Variants in ABL2 observed in about 807,000 individuals in gnomAD.
ABL2 encodes the protein ABL proto-oncogene 2, non-receptor tyrosine kinase, also known as tyrosine-protein kinase ABL2.
In ABL2, 49 loss-of-function variants were observed where a neutral mutation model predicts 107.7. The observed-to-expected ratio is 0.45, with a 90% CI of 0.36 to 0.58. The LOEUF (loss-of-function observed/expected upper bound fraction) is 0.58. ABL2 is among the 20% of genes least tolerant of loss of function. The pLI is 0.00. For missense variants in ABL2, 1,245 were observed against 1,457.0 expected (o/e 0.85, Z 2.37); for synonymous variants, 549 against 548.6 (o/e 1.00, Z -0.01).
At position 179,108,824 on chromosome 1, in the gene ABL2, T is replaced by C; in HGVS notation, c.2443A>G (p.Thr815Ala). 6.2e-7 allele frequency: 1 copy of C among 1,614,200 alleles called. No homozygotes were observed. Among genetic ancestry groups the C allele is most frequent in the Non-Finnish European group, 8.5e-7 (1 of 1,180,030 alleles). ...TCTGGCTGAGAAGAGGTGGACACTGTCCTTTCCAGCTGGAGTTTGGACCTC... is the reference window on the plus strand; with the variant it reads ...TCTGGCTGAGAAGAGGTGGACACTGCCCTTTCCAGCTGGAGTTTGGACCTC... ...CQRSKLQLER[T>A]VSTSSQPEEN... Residue 815 changes from threonine to alanine, a missense_variant, in exon 12 of 12, where the codon ACA becomes GCA. By Grantham distance (58) the Thr-to-Ala change is moderately conservative (BLOSUM62 0). Coordinates refer to ENST00000502732, the MANE Select transcript of ABL2 (RefSeq NM_007314.4).
chr1:179,191,050 A>C (rs934248386), intron 1 of ABL2, among the ~76,000 whole-genome samples: 1 of 152,164 alleles, frequency 6.6e-6, no homozygotes, highest in African/African-American at 2.4e-5. Flanking sequence ...CCCTATTTAG[A>C]TAGGAAGCCA....
chr1:179,205,712 G>A (rs1661934496), intron 1 of ABL2, among the ~76,000 whole-genome samples: 1 of 152,160 alleles, frequency 6.6e-6, no homozygotes. Flanking sequence ...CTGAGATTAG[G>A]GAGGGCGGGT....
At position 179,117,580 on chromosome 1, in the gene ABL2, C is replaced by G. The variant is rs1194095942; in HGVS notation, c.1224-64G>C. On this transcript the variant is annotated intron_variant, in intron 7 of 11. Transcript: ENST00000502732. The stretch of plus-strand genomic sequence containing the variant: ...GGTGAGGAAAATGGTCATGAACACT[C>G]TATTCTTGGTTTTGTGTTATAGGCA... 5 of 1,555,056 alleles carry G rather than the reference C, an allele frequency of 3.2e-6. No homozygotes were observed. The East Asian group carries it at 1.1e-4, about 35-fold the overall frequency.
chr1:179,218,724 C>T (rs1662717411), intron 1 of ABL2, among the ~76,000 whole-genome samples: 1 of 152,162 alleles, frequency 6.6e-6, no homozygotes, highest in South Asian at 2.1e-4. Context: ...CTCACATGAG[C>T]AGGAGATTCT....
At chr1:179,156,794 C>T (rs533734058) in intron 1 of ABL2, among the ~76,000 whole-genome samples, 40 of 152,008 alleles carry the variant, frequency 2.6e-4, no homozygotes, top group African/African-American at 8.7e-4. Context: ...AGGAGAATTG[C>T]GTGAACCAGG....
At position 179,107,616 on chromosome 1, in the gene ABL2, A is replaced by AT; in HGVS notation, c.*101_*102insA. The AT allele has an allele frequency of 6.6e-7, 1 of 1,510,768 alleles. No individual in the cohort carries two copies. The highest frequency in any genetic ancestry group is 1.4e-5 in the South Asian group (1 of 73,506). 93.6% of individuals were successfully genotyped at this position (1,510,768 alleles called of 1,614,324 possible). A position where few individuals can be genotyped will look rare whatever the true frequency, so the allele number is the denominator to read the frequency against. On this transcript the variant is annotated 3_prime_UTR_variant, in exon 12 of 12. Transcript: ENST00000502732. ...TGAGGTACTTCACATAAACACACTC[A>AT]AGTATGAGTCTTTCATTTTCTGAAA...
chr1:179,135,690 A>C (rs1656848626), intron 1 of ABL2, among the ~76,000 whole-genome samples: 2 of 136,354 alleles, frequency 1.5e-5, no homozygotes, highest in Admixed American at 1.5e-4. Context: ...CCCATCCGGG[A>C]GGTGAGGGGT....
chr1:179,229,431 C>T lies in ABL2; in HGVS notation c.-34G>A, dbSNP rs1034574859. On this transcript the variant is annotated 5_prime_UTR_variant, in exon 1 of 12. Coordinates refer to ENST00000502732, the MANE Select transcript of ABL2 (RefSeq NM_007314.4). ...TCGCGTACTCCCGCGCCCCCGCCGA[C>T]CCCTGGTCACATTCCTCCTCGGCTC... 24 of 1,478,008 alleles carry T rather than the reference C, an allele frequency of 1.6e-5. No individual in the cohort carries two copies. Among genetic ancestry groups the T allele is most frequent in the Non-Finnish European group, 2.1e-5 (24 of 1,125,792 alleles). The allele number at this position is 1,478,008 out of a possible 1,614,324, so 91.6% of individuals were successfully genotyped here.
At chr1:179,191,975 T>C (rs1228341325) in intron 1 of ABL2, among the ~76,000 whole-genome samples, 2 of 152,230 alleles carry the variant, frequency 1.3e-5, no homozygotes, top group East Asian at 3.8e-4. Flanking sequence ...TTTGCTTTTA[T>C]ATTCTCTTTA....
chr1:179,111,444 C>A (rs1447774473), intron 10 of ABL2, among the ~76,000 whole-genome samples: 3 of 151,820 alleles, frequency 2.0e-5, no homozygotes, highest in Admixed American at 6.6e-5. Context: ...TGCCATCACG[C>A]CTGGCTAGTT....
In ABL2 at chr1:179,103,593, T is replaced by C. The variant is rs3829794; in HGVS notation, c.*4125A>G. The C allele has an allele frequency of 0.51, 112,282 of 220,114 alleles. 28,925 individuals carry two copies. Among genetic ancestry groups the C allele is most frequent in the South Asian group, 0.58 (3,132 of 5,440 alleles). The allele number at this position is 220,114 out of a possible 1,614,324, so 13.6% of individuals were successfully genotyped here. A position where few individuals can be genotyped will look rare whatever the true frequency, so the allele number is the denominator to read the frequency against. The stretch of plus-strand genomic sequence containing the variant: ...AGGTCTGTCCAAAAGAATGACCCCA[T>C]TGAATTTTTTAAATGACTGAATTCT... On this transcript the variant is annotated 3_prime_UTR_variant, in exon 12 of 12. Coordinates refer to ENST00000502732, the MANE Select transcript of ABL2 (RefSeq NM_007314.4).
chr1:179,199,177 G>A (rs750781579), intron 1 of ABL2, among the ~76,000 whole-genome samples: 2 of 152,142 alleles, frequency 1.3e-5, no homozygotes, highest in African/African-American at 2.4e-5. Context: ...CATTTGTGAT[G>A]AGGGAATGAG....
At chr1:179,155,918 C>CA (rs1195174012) in intron 1 of ABL2, among the ~76,000 whole-genome samples, 1 of 152,032 alleles carries the variant, frequency 6.6e-6, no homozygotes, top group African/African-American at 2.4e-5. Flanking sequence ...ATGAGCTGAA[C>CA]AAAAATCTTC....
chr1:179,204,874 T>C (rs1661867156), intron 1 of ABL2, among the ~76,000 whole-genome samples: 1 of 152,166 alleles, frequency 6.6e-6, no homozygotes, highest in Non-Finnish European at 1.5e-5. Context: ...TAATAGACTC[T>C]GTACATCGGT....
chr1:179,227,837 G>C (rs1023282002), intron 1 of ABL2, among the ~76,000 whole-genome samples: 4 of 151,966 alleles, frequency 2.6e-5, no homozygotes, highest in African/African-American at 9.7e-5. Context: ...TGGATCATGA[G>C]GTCAGGCGTT....
chr1:179,109,247 C>G lies in ABL2; in HGVS notation c.2020G>C (p.Glu674Gln). 1 of 1,614,142 alleles carries G rather than the reference C, an allele frequency of 6.2e-7. No homozygotes were observed. The highest frequency in any genetic ancestry group is 8.5e-7 in the Non-Finnish European group (1 of 1,180,032). The change falls in exon 12 of 12, where the codon GAA becomes CAA. Residue 674 changes from glutamate to glutamine, a missense_variant. Coordinates refer to ENST00000502732, the MANE Select transcript of ABL2 (RefSeq NM_007314.4). ...TTCTTATGGGGCTGATTCTCCATTT[C>G]TCGGAAGGAGCTGCTGCGTTTGGGG... The part of the protein sequence containing the change: ...TPPKRSSSFR[E>Q]MENQPHKKYE...
chr1:179,127,768 A>G (rs1655872152), intron 3 of ABL2, among the ~76,000 whole-genome samples: 1 of 152,200 alleles, frequency 6.6e-6, no homozygotes, highest in Non-Finnish European at 1.5e-5. Context: ...GTGGTGTCTC[A>G]TGCCTGTAAT....
chr1:179,177,711 C>G (rs1660129097), intron 1 of ABL2, among the ~76,000 whole-genome samples: 1 of 152,156 alleles, frequency 6.6e-6, no homozygotes, highest in Non-Finnish European at 1.5e-5. Flanking sequence ...AAAAAGTGGA[C>G]AGTCCTTTTC....
chr1:179,184,773 C>T (rs1660586739), intron 1 of ABL2, among the ~76,000 whole-genome samples: 1 of 151,898 alleles, frequency 6.6e-6, no homozygotes, highest in Admixed American at 6.6e-5. Context: ...TTTTTTTTCC[C>T]CCTCTTGTGG....
Sources: allele counts gnomAD v4.1 joint callset (sites outside exome capture counted in the v4.1 genomes callset), GRCh38; gene constraint gnomAD v4.1.1; transcripts MANE v1.5; gene names NCBI Gene and HGNC (gene_info 2026-07-23, HGNC 2026-07-21).